The following MYO10 variants were observed in gnomAD, a reference collection of about 807,000 sequenced individuals.
MYO10 encodes myosin X.
MYO10 carries 133 observed loss-of-function variants against 257.3 expected under a neutral mutation model. The observed-to-expected ratio is 0.52, with a 90% confidence interval of 0.45 to 0.60. The LOEUF is 0.60. Ranked by LOEUF, MYO10 falls within the 20% of genes least tolerant of loss-of-function variation. The pLI is 0.00. For missense variants in MYO10, 2,399 were observed against 2,635.7 expected (o/e 0.91, Z 1.97); for synonymous variants, 1,104 against 1,028.6 (o/e 1.07, Z -1.40).
At chr5:16,828,760 G>A (rs939913128) in intron 2 of MYO10, among the ~76,000 whole-genome samples, 1 of 151,834 alleles carries the variant, frequency 6.6e-6, no homozygotes, top group African/African-American at 2.4e-5. Flanking sequence ...TTTGAGACAG[G>A]GTCTCACTCT....
chr5:16,683,869 T>C lies in MYO10; in HGVS notation c.4046+11A>G. 1.2e-6 allele frequency: 2 copies of C among 1,613,594 alleles called. No individual in the cohort carries two copies. The highest frequency in any genetic ancestry group is 1.7e-6 in the Non-Finnish European group (2 of 1,179,756). On this transcript the variant is annotated intron_variant, in intron 30 of 40. Coordinates refer to ENST00000513610, the MANE Select transcript of MYO10 (RefSeq NM_012334.3). ...TGAGCTGTTTTTGTTAAGAGCCACA[T>C]CTGAGCTTACCTATCAGGGCTGTCA...
intron 9 of MYO10, among the ~76,000 whole-genome samples, chr5:16,775,779 T>C (rs937414016): frequency 1.3e-5 from 2 of 152,100 alleles, no homozygotes; most frequent in African/African-American, 4.8e-5. Flanking sequence ...ATTTTTGTAT[T>C]TTTAGTACAG....
At chr5:16,669,841 T>C (rs540094803) in intron 39 of MYO10, among the ~76,000 whole-genome samples, 2 of 152,336 alleles carry the variant, frequency 1.3e-5, no homozygotes, top group South Asian at 2.1e-4. Flanking sequence ...AAGGGCTGCA[T>C]AGTAAAGATT....
At chr5:16,845,180 T>C (rs1743598747) in intron 2 of MYO10, among the ~76,000 whole-genome samples, 1 of 152,130 alleles carries the variant, frequency 6.6e-6, no homozygotes. Flanking sequence ...AGTACATTTT[T>C]TCCTGAAAGG....
rs148751578 is a variant in MYO10, at chr5:16,681,289, C to T, written c.4384+20G>A. ...ACTTTAAGATTTGATGCTCAGGGTT[C>T]GGGCAGCCAGCCTGGTTACCTGTCT... On this transcript the variant is annotated intron_variant, in intron 32 of 40. Transcript: ENST00000513610. The T allele has an allele frequency of 7.8e-4, 1,238 of 1,596,190 alleles. 9 individuals carry two copies. In the African/African-American group the frequency reaches 0.015, roughly 19 times the overall value.
In MYO10 at chr5:16,707,870, T is replaced by C. The variant is rs115001446; in HGVS notation, c.2169+3038A>G. On this transcript the variant is annotated intron_variant, in intron 21 of 40. Transcript: ENST00000513610. ...CAAGAACAAATATGTTTTGGATAAG[T>C]CAGCCAGTTCAGACCTGGAGCCATG... Among the ~76,000 whole-genome samples the C allele has an allele frequency of 1.9e-3, 294 of 152,352 alleles. 1 individual carries two copies. Among genetic ancestry groups the C allele is most frequent in the African/African-American group, 6.9e-3 (286 of 41,590 alleles).
intron 19 of MYO10, among the ~76,000 whole-genome samples, chr5:16,748,077 G>GT (rs915185960): frequency 4.0e-5 from 6 of 151,718 alleles, no homozygotes; most frequent in South Asian, 2.1e-4. Context: ...TTTTGTCTTT[G>GT]TTTTTTTCTT....
At chr5:16,889,001 T>C (rs1314892630) in intron 1 of MYO10, among the ~76,000 whole-genome samples, 1 of 151,832 alleles carries the variant, frequency 6.6e-6, no homozygotes, top group East Asian at 1.9e-4. Context: ...GGCAAAACCC[T>C]GTTTCTGCAA....
chr5:16,908,647 G>A (rs1745578042), intron 1 of MYO10, among the ~76,000 whole-genome samples: 1 of 152,044 alleles, frequency 6.6e-6, no homozygotes, highest in South Asian at 2.1e-4. Context: ...TTTAAATATG[G>A]GCCTTCTTGC....
rs1222760285 is a variant in MYO10 at position 16,664,155 on chromosome 5, G to C, written c.*2537C>G. 6.6e-6 allele frequency: 1 copy of C among 152,156 alleles called. No individual in the cohort carries two copies. The highest frequency in any genetic ancestry group is 6.6e-5 in the Admixed American group (1 of 15,260). 9.4% of individuals were successfully genotyped at this position (152,156 alleles called of 1,614,324 possible). A position where few individuals can be genotyped will look rare whatever the true frequency, so the allele number is the denominator to read the frequency against. ...TGTACGTTCTGTTGCAACTTTCTCT[G>C]AGTCTGTAATTATTTCTAAATAAAA... is the stretch of plus-strand genomic sequence containing the variant. On this transcript the variant is annotated 3_prime_UTR_variant, in exon 41 of 41. Transcript: ENST00000513610.
At chr5:16,870,901 A>AC (rs1744440355) in intron 2 of MYO10, among the ~76,000 whole-genome samples, 5 of 151,378 alleles carry the variant, frequency 3.3e-5, no homozygotes, top group African/African-American at 1.2e-4. Flanking sequence ...ACACACACAC[A>AC]AAAAAAATTC....
Position 16,670,721 on chromosome 5 carries a change from T to G in MYO10, c.5688A>C (p.Gly1896=), listed in dbSNP as rs754140097. 6.2e-7 allele frequency: 1 copy of G among 1,614,026 alleles called. No homozygotes were observed. The highest frequency in any genetic ancestry group is 8.5e-7 in the Non-Finnish European group (1 of 1,179,892). Residue 1896 remains glycine, a synonymous_variant, in exon 39 of 41, where the codon GGA becomes GGC. Transcript: ENST00000513610. ...CCTCGACCTTCTGCCGGACCACGGA[T>G]CCTGTCCGGAAGCTCCGCCTCAGGG... The part of the protein sequence containing the change: ...EGTLRRSFRT[G]SVVRQKVEEE...
At chr5:16,853,356 AGAGT>A (rs1324103196) in intron 2 of MYO10, among the ~76,000 whole-genome samples, 1 of 151,336 alleles carries the variant, frequency 6.6e-6, no homozygotes, top group Non-Finnish European at 1.5e-5. Flanking sequence ...CCTGGGCGAC[AGAGT>A]GAGACTCCGT....
intron 1 of MYO10, among the ~76,000 whole-genome samples, chr5:16,905,905 A>G (rs192362214): frequency 2.6e-5 from 4 of 152,328 alleles, no homozygotes; most frequent in Admixed American, 2.6e-4. Context: ...ACAACCACTC[A>G]GTAATTGCTA....
intron 35 of MYO10, 102 bp from the exon 36 acceptor site, chr5:16,673,991 TC>T: frequency 1.0e-6 from 1 of 975,564 alleles, no homozygotes; most frequent in South Asian, 1.4e-5. Context: ...CAGTGAATGG[TC>T]CCCCACTGGT....
rs1467815040 is a variant in MYO10 at position 16,666,120 on chromosome 5, A to G, written c.*572T>C. On this transcript the variant is annotated 3_prime_UTR_variant, in exon 41 of 41. Transcript: ENST00000513610. ...ACGAACAGGCAAGCACGTACACTTA[A>G]AAGATGAAACAAAGAAAAAAGTTGA... The G allele has an allele frequency of 1.3e-5, 2 of 152,982 alleles. No homozygotes were observed. The highest frequency in any genetic ancestry group is 2.4e-5 in the African/African-American group (1 of 41,462). 9.5% of individuals were successfully genotyped at this position (152,982 alleles called of 1,614,324 possible).
chr5:16,921,933 G>A (rs563831424), intron 1 of MYO10, among the ~76,000 whole-genome samples: 3 of 152,180 alleles, frequency 2.0e-5, no homozygotes, highest in East Asian at 3.9e-4. Flanking sequence ...ACGTAAAGGG[G>A]GCCGGGCACA....
chr5:16,735,363 C>A (rs148545374), intron 19 of MYO10, among the ~76,000 whole-genome samples: 1 of 152,098 alleles, frequency 6.6e-6, no homozygotes, highest in Non-Finnish European at 1.5e-5. Flanking sequence ...CTGTGATTTA[C>A]ACGAGAAAAC....
chr5:16,699,799 A>G (rs958877550), intron 25 of MYO10, among the ~76,000 whole-genome samples: 3 of 147,498 alleles, frequency 2.0e-5, no homozygotes, highest in African/African-American at 8.0e-5. Flanking sequence ...AAAAAAAAAA[A>G]AAAAAAAAGG....
Sources: gnomAD v4.1 joint callset for allele counts (sites outside exome capture counted in the v4.1 genomes callset) on GRCh38, gnomAD v4.1.1 for gene constraint, MANE v1.5 for transcripts, NCBI Gene and HGNC (gene_info 2026-07-23, HGNC 2026-07-21) for gene names.